The following P4HA3 variants were observed in gnomAD, a reference collection of about 807,000 sequenced individuals.
P4HA3 encodes prolyl 4-hydroxylase subunit alpha-3.
A neutral mutation model predicts 66.7 loss-of-function variants in P4HA3; 60 were observed. The ratio of observed to expected loss-of-function variants is 0.90; its 90% confidence interval spans 0.73 to 1.12. The LOEUF (loss-of-function observed/expected upper bound fraction) is 1.12. Ranked by LOEUF, P4HA3 falls within the 50% of genes most tolerant of loss-of-function variation. P4HA3 has a pLI of 0.00. For missense variants in P4HA3, 683 were observed against 685.8 expected, an observed-to-expected ratio of 1.00 and a Z score of 0.05; for synonymous variants, 263 against 274.6, an observed-to-expected ratio of 0.96 and a Z score of 0.42.
At chr11:74,283,017 T>C (rs1860661240) in intron 7 of P4HA3, among the ~76,000 whole-genome samples, 1 of 152,052 alleles carries the variant, frequency 6.6e-6, no homozygotes, top group Non-Finnish European at 1.5e-5. Context: ...TGAGTGAGTG[T>C]GCTTTGGGAA....
chr11:74,257,851 A>G (rs1269129691), intron 15 of P4HA3, among the ~76,000 whole-genome samples: 1 of 152,136 alleles, frequency 6.6e-6, no homozygotes, highest in Non-Finnish European at 1.5e-5. Flanking sequence ...CTGAGAGAAC[A>G]GGATAGTCTC....
chr11:74,279,183 C>G (rs751753426), intron 8 of P4HA3, among the ~76,000 whole-genome samples: 10 of 152,166 alleles, frequency 6.6e-5, no homozygotes, highest in Non-Finnish European at 1.5e-4. Context: ...TCTCGAATGG[C>G]CTTCTAGTTA....
intron 15 of P4HA3, chr11:74,252,619 T>A: frequency 2.3e-6 from 1 of 443,660 alleles, no homozygotes; most frequent in East Asian, 7.0e-5. Flanking sequence ...TTGTGGGGAC[T>A]GTCCTGTGCA....
At position 74,304,399 on chromosome 11, in the gene P4HA3, C is replaced by T. The variant is rs1366636306; in HGVS notation, c.214G>A (p.Val72Ile). The T allele has an allele frequency of 1.2e-6, 2 of 1,613,928 alleles. No individual in the cohort carries two copies. The highest frequency in any genetic ancestry group is 3.3e-5 in the Admixed American group (2 of 59,990). Residue 72 changes from valine (V) to isoleucine (I), a missense_variant, in exon 2 of 13, where the codon GTA (valine) becomes ATA (isoleucine). Transcript: ENST00000331597. Reference sequence around the variant, plus strand: ...GTTGAATCCTCATGCAAAGAAAGTACCTTGTCGTAGAATCTGAAAGAAAGG... The same window carrying T: ...GTTGAATCCTCATGCAAAGAAAGTATCTTGTCGTAGAATCTGAAAGAAAGG... ...LRDLTRFYDKVLSLHEDSTTP... is the reference protein window; with the variant it reads ...LRDLTRFYDKILSLHEDSTTP...
intron 4 of P4HA3, among the ~76,000 whole-genome samples, chr11:74,295,670 C>T (rs1217143575): frequency 6.6e-6 from 1 of 152,170 alleles, no homozygotes; most frequent in Non-Finnish European, 1.5e-5. Context: ...ATCAGGAGTA[C>T]TTTGATGTCA....
intron 4 of P4HA3, among the ~76,000 whole-genome samples, chr11:74,294,793 C>T (rs1861159070): frequency 6.6e-6 from 1 of 152,272 alleles, no homozygotes; most frequent in African/African-American, 2.4e-5. Flanking sequence ...GCTGCCTGAT[C>T]GTTCCTCTGG....
At chr11:74,284,624 A>C (rs1218001416) in intron 7 of P4HA3, among the ~76,000 whole-genome samples, 1 of 152,194 alleles carries the variant, frequency 6.6e-6, no homozygotes, top group Non-Finnish European at 1.5e-5. Context: ...TAATGGGAGA[A>C]GTGACCCACC....
intron 4 of P4HA3, among the ~76,000 whole-genome samples, chr11:74,291,276 G>T (rs1861012981): frequency 1.3e-5 from 2 of 152,296 alleles, no homozygotes; most frequent in East Asian, 3.9e-4. Context: ...GAATGCTTGT[G>T]ATTTCTGTAC....
chr11:74,270,233 G>A (rs924718569), intron 10 of P4HA3, among the ~76,000 whole-genome samples: 1 of 152,084 alleles, frequency 6.6e-6, no homozygotes, highest in Non-Finnish European at 1.5e-5. Flanking sequence ...AACCTATAAT[G>A]GATCATGACT....
intron 1 of P4HA3, among the ~76,000 whole-genome samples, chr11:74,308,242 G>A (rs560644611): frequency 6.6e-5 from 10 of 152,228 alleles, no homozygotes; most frequent in African/African-American, 1.2e-4. Flanking sequence ...GCTGGGCACG[G>A]TAGCTCATGC....
intron 7 of P4HA3, among the ~76,000 whole-genome samples, chr11:74,280,450 A>G (rs1459034907): frequency 2.0e-5 from 3 of 152,202 alleles, no homozygotes; most frequent in African/African-American, 7.2e-5. Context: ...ATGAGCCACC[A>G]TACCGGGCCT....
chr11:74,252,879 C>A (rs1406531315), intron 15 of P4HA3, among the ~76,000 whole-genome samples: 1 of 152,148 alleles, frequency 6.6e-6, no homozygotes, highest in African/African-American at 2.4e-5. Context: ...GTTGACCAAA[C>A]CAGGTGGTAT....
intron 5 of P4HA3, 58 bp from the exon 6 acceptor site, chr11:74,286,449 G>A: frequency 6.9e-7 from 1 of 1,450,846 alleles, no homozygotes; most frequent in Non-Finnish European, 9.1e-7. Context: ...TGGCCCCAGG[G>A]AGTGCCACCA....
At chr11:74,257,309 G>C (rs1298811215) in intron 15 of P4HA3, among the ~76,000 whole-genome samples, 2 of 152,156 alleles carry the variant, frequency 1.3e-5, no homozygotes, top group Non-Finnish European at 2.9e-5. Flanking sequence ...ATTTTTAGTA[G>C]AGATGGGGTT....
chr11:74,268,563 G>A (rs1860077227), intron 11 of P4HA3, among the ~76,000 whole-genome samples: 2 of 152,222 alleles, frequency 1.3e-5, no homozygotes, highest in African/African-American at 4.8e-5. Context: ...AGAAAGGTGA[G>A]CACATTTGTC....
At chr11:74,270,765 C>T (rs1425719488) in intron 10 of P4HA3, among the ~76,000 whole-genome samples, 2 of 152,180 alleles carry the variant, frequency 1.3e-5, no homozygotes, top group Non-Finnish European at 2.9e-5. Flanking sequence ...TTGAGCTGAG[C>T]TGGTGCCATG....
chr11:74,266,739 C>A lies in P4HA3; in HGVS notation c.*509G>T. 3.9e-6 allele frequency: 1 copy of A among 255,874 alleles called. No homozygotes were observed. The highest frequency in any genetic ancestry group is 7.8e-5 in the East Asian group (1 of 12,770). The allele number at this position is 255,874 out of a possible 1,614,324, so 15.9% of individuals were successfully genotyped here. On this transcript the variant is annotated 3_prime_UTR_variant, in exon 13 of 13. Transcript: ENST00000331597. Reference sequence around the variant, plus strand: ...AAGTTGTTTTCAACTTAAAAAAAATCCTTATATAATGTACCACTCATCTGG... The same window carrying A: ...AAGTTGTTTTCAACTTAAAAAAAATACTTATATAATGTACCACTCATCTGG...
At chr11:74,269,551 C>T in intron 11 of P4HA3, 101 bp downstream of exon 11, 2 of 1,267,924 alleles carry the variant, frequency 1.6e-6, no homozygotes, top group Non-Finnish European at 2.2e-6. Flanking sequence ...CTTTTTGGCC[C>T]TCCTCCCAGG....
chr11:74,306,536 A>G (rs183838315), intron 1 of P4HA3, among the ~76,000 whole-genome samples: 171 of 152,334 alleles, frequency 1.1e-3, no homozygotes, highest in African/African-American at 4.0e-3. Context: ...AAGTTTGTGC[A>G]AAGTGAAAAA....
Sources: gnomAD v4.1 joint callset for allele counts (sites outside exome capture counted in the v4.1 genomes callset) on GRCh38, gnomAD v4.1.1 for gene constraint, MANE v1.5 for transcripts, NCBI Gene and HGNC (gene_info 2026-07-23, HGNC 2026-07-21) for gene names.